Variants in C3 observed in about 807,000 individuals in gnomAD.
C3 encodes the protein C3 and PZP-like alpha-2-macroglobulin domain-containing protein 1.
C3 carries 97 observed loss-of-function variants against 207.9 expected under a neutral mutation model. That is an observed-to-expected ratio of 0.47 (90% CI 0.40 to 0.55). The LOEUF is 0.55. C3 is among the 20% of genes least tolerant of loss of function. The probability of loss-of-function intolerance (pLI) is 0.00; values close to 1 mark genes in which losing one functional copy is unlikely to be tolerated. For synonymous variants in C3, 848 were observed against 857.6 expected, an observed-to-expected ratio of 0.99 and a Z score of 0.20; for missense variants, 1,684 against 2,171.7, an observed-to-expected ratio of 0.78 and a Z score of 4.46.
chr19:6,699,565 C>T (rs1199114412), intron 19 of C3, among the ~76,000 whole-genome samples: 1 of 151,972 alleles, frequency 6.6e-6, no homozygotes, highest in Non-Finnish European at 1.5e-5. Context: ...TGGTGACACC[C>T]TGTCTCTACT....
Position 6,702,574 on chromosome 19 carries a change from G to A in C3, c.2251C>T (p.Leu751=). 1 of 1,609,858 alleles carries A rather than the reference G, an allele frequency of 6.2e-7. No individual in the cohort carries two copies. The highest frequency in any genetic ancestry group is 8.5e-7 in the Non-Finnish European group (1 of 1,176,040). Residue 751 remains leucine, a synonymous_variant, in exon 18 of 41, where the codon CTG becomes TTG. Transcript: ENST00000245907. ...TCTTCTGCAATGATGTCCTCATCCAGGTTACCTGCAGGGGGTTTAGATCTG... is the reference window on the plus strand; with the variant it reads ...TCTTCTGCAATGATGTCCTCATCCAAGTTACCTGCAGGGGGTTTAGATCTG... ...ASHLGLARSN[L]DEDIIAEENI...
chr19:6,684,907 C>T, intron 30 of C3, 73 bp from the exon 31 acceptor site: 1 of 1,605,910 alleles, frequency 6.2e-7, no homozygotes, highest in Non-Finnish European at 8.5e-7. Context: ...TCACCTGGCC[C>T]TCCCTCTTGC....
Position 6,697,672 on chromosome 19 carries a change from G to T in C3, c.2563C>A (p.Arg855=), listed in dbSNP as rs765999872. The T allele has an allele frequency of 6.2e-7, 1 of 1,614,110 alleles. No homozygotes were observed. The highest frequency in any genetic ancestry group is 8.5e-7 in the Non-Finnish European group (1 of 1,180,030). ...VEIRAVLYNY[R]QNQELKVRVE... ...CCCACCTTGAGCTCTTGGTTCTGCC[G>T]GTAATTGTAGAGAACGGCTCGGATT... Residue 855 remains arginine (R), a synonymous_variant, in exon 20 of 41, where the codon CGG becomes AGG. Transcript: ENST00000245907.
At position 6,712,244 on chromosome 19, in the gene C3, G is replaced by A. The variant is rs202004330; in HGVS notation, c.1269+13C>T. The stretch of plus-strand genomic sequence containing the variant: ...TCCCAGTGATGGGGTTCCGAGGCTG[G>A]GCCCAGACGCACCGTGATGCTCAAG... On this transcript the variant is annotated intron_variant, in intron 11 of 40. Coordinates refer to ENST00000245907, the MANE Select transcript of C3 (RefSeq NM_000064.4). 60 of 1,613,232 alleles carry A rather than the reference G, an allele frequency of 3.7e-5. No homozygotes were observed. The African/African-American group carries it at 7.6e-4, about 20-fold the overall frequency.
chr19:6,703,637 A>G (rs1051329951), intron 17 of C3, among the ~76,000 whole-genome samples: 2 of 152,078 alleles, frequency 1.3e-5, no homozygotes, highest in Non-Finnish European at 2.9e-5. Context: ...GAAAGCAAGC[A>G]TGTGCATGTG....
intron 27 of C3, 32 bp downstream of exon 27, chr19:6,690,597 T>C: frequency 6.4e-7 from 1 of 1,561,510 alleles, no homozygotes; most frequent in Non-Finnish European, 8.8e-7. Context: ...TCGGGTAAGG[T>C]AGGGTAGGGT....
rs1452918178 is a variant in C3 at position 6,712,400 on chromosome 19, C to T, written c.1126G>A (p.Val376Met). Residue 376 changes from valine (V) to methionine (M), a missense_variant, in exon 11 of 41, where the codon GTG becomes ATG. Val to Met is a conservative substitution (Grantham distance 21). Coordinates refer to ENST00000245907, the MANE Select transcript of C3 (RefSeq NM_000064.4). ...GCTGGAGAGCCATCAGGGTTCGTCA[C>T]GAACACCTGTGATGTGGGGTGCAGG... is the stretch of plus-strand genomic sequence containing the variant. ...PGMPFDLMVFVTNPDGSPAYR... is the reference protein window; with the variant it reads ...PGMPFDLMVFMTNPDGSPAYR... 5.6e-6 allele frequency: 9 copies of T among 1,614,130 alleles called. No homozygotes were observed. Among genetic ancestry groups the T allele is most frequent in the Non-Finnish European group, 7.6e-6 (9 of 1,179,988 alleles).
At chr19:6,710,439 TGTAGAGAGAGGG>T (rs1967891565) in intron 13 of C3, among the ~76,000 whole-genome samples, 188 bp downstream of exon 13, 1 of 82,904 alleles carries the variant, frequency 1.2e-5, no homozygotes, top group Admixed American at 1.2e-4. Context: ...GAAAGAGAGA[TGTAGAGAGAGGG>T]AAAGAGAGAT....
chr19:6,696,590 C>T lies in C3; in HGVS notation c.2863+3G>A, dbSNP rs764426277. 6.2e-7 allele frequency: 1 copy of T among 1,613,960 alleles called. No individual in the cohort carries two copies. The highest frequency in any genetic ancestry group is 8.5e-7 in the Non-Finnish European group (1 of 1,179,884). Reference sequence around the variant, plus strand: ...TCAGCCCCTCCCCCTGCAGCCGACTCACCACGGCCCAGGCGTTCTGGATCC... The same window carrying T: ...TCAGCCCCTCCCCCTGCAGCCGACTTACCACGGCCCAGGCGTTCTGGATCC... On this transcript the variant is annotated splice_donor_region_variant and intron_variant, in intron 22 of 40. Coordinates refer to ENST00000245907, the MANE Select transcript of C3 (RefSeq NM_000064.4).
At position 6,685,017 on chromosome 19, in the gene C3, C is replaced by T; in HGVS notation, c.3940G>A (p.Glu1314Lys). 1.2e-6 allele frequency: 2 copies of T among 1,613,842 alleles called. No homozygotes were observed. Among genetic ancestry groups the T allele is most frequent in the Non-Finnish European group, 1.7e-6 (2 of 1,179,998 alleles). The change falls in exon 30 of 41, where the codon GAA (glutamate) becomes AAA (lysine). Residue 1314 changes from glutamate to lysine, a missense_variant. Physicochemically the swap from Glu to Lys is moderately conservative, Grantham distance 56. Coordinates refer to ENST00000245907, the MANE Select transcript of C3 (RefSeq NM_000064.4). Reference protein sequence around the residue: ...SSKITHRIHWESASLLRSEET... With the variant: ...SSKITHRIHWKSASLLRSEET... ...TCTGATCGCAGGAGGCTGGCAGATT[C>T]CCAGTGGATACGGTGGGTGATCTTG...
rs760004433 is a variant in C3 at position 6,702,596 on chromosome 19, T to A, written c.2246-17A>T. 3.2e-6 allele frequency: 5 copies of A among 1,548,418 alleles called. No homozygotes were observed. The African/African-American group carries it at 4.1e-5, about 13-fold the overall frequency. On this transcript the variant is annotated splice_polypyrimidine_tract_variant and intron_variant, in intron 17 of 40. Transcript: ENST00000245907. ...CCAGGTTACCTGCAGGGGGTTTAGA[T>A]CTGCATTTAGAACAGAGCAGGCCAG...
intron 19 of C3, among the ~76,000 whole-genome samples, chr19:6,698,818 G>A (rs1205132006): frequency 6.6e-6 from 1 of 151,856 alleles, no homozygotes; most frequent in Non-Finnish European, 1.5e-5. Flanking sequence ...TTTTTGAGAT[G>A]GGGTCTCGCT....
rs985371314 is a variant in C3 at position 6,693,277 on chromosome 19, G to C, written c.3230+135C>G. The stretch of plus-strand genomic sequence containing the variant: ...AATGACCGCCGGCCACTCAGCCAGC[G>C]CTTGCCTGGACTCTGCAGGTCCAGG... On this transcript the variant is annotated intron_variant, in intron 25 of 40. Transcript: ENST00000245907. 94 of 1,086,372 alleles carry C rather than the reference G, an allele frequency of 8.7e-5. 1 individual carries two copies. The highest frequency in any genetic ancestry group is 2.8e-4 in the Middle Eastern group (1 of 3,582). 67.3% of individuals were successfully genotyped at this position (1,086,372 alleles called of 1,614,324 possible). A position where few individuals can be genotyped will look rare whatever the true frequency, so the allele number is the denominator to read the frequency against.
chr19:6,691,055 CTTTTTT>C (rs112828808), intron 26 of C3, among the ~76,000 whole-genome samples: 2 of 131,770 alleles, frequency 1.5e-5, no homozygotes, highest in Non-Finnish European at 3.2e-5. Flanking sequence ...GAGATATACA[CTTTTTT>C]TTTTTTTTTT....
chr19:6,713,704 A>C (rs1599525129), intron 7 of C3, 195 bp from the exon 8 acceptor site: 1 of 255,260 alleles, frequency 3.9e-6, no homozygotes, highest in Admixed American at 5.4e-5. Flanking sequence ...ACATGGTCCC[A>C]CCTCCAGCCC....
chr19:6,712,281 G>A lies in C3; in HGVS notation c.1245C>T (p.Pro415=). The change falls in exon 11 of 41, where the codon CCC becomes CCT. Residue 415 remains proline (P), a synonymous_variant. Coordinates refer to ENST00000245907, the MANE Select transcript of C3 (RefSeq NM_000064.4). ...GVAKLSINTH[P]SQKPLSITVR... ...CCGTGATGCTCAAGGGCTTCTGGCT[G>A]GGGTGTGTGTTGATGCTGAGTTTGG... 2 of 1,614,042 alleles carry A rather than the reference G, an allele frequency of 1.2e-6. No homozygotes were observed. The highest frequency in any genetic ancestry group is 1.7e-6 in the Non-Finnish European group (2 of 1,180,016).
rs534897180 is a variant in C3, at chr19:6,710,798, C to T, written c.1527G>A (p.Glu509=). ...GCAGCACCACCAGGTCCTGGCCGGG[C>T]TCTCGCACCTGGCGTCCCGCCTTCA... ...RLLKAGRQVR[E]PGQDLVVLPL... Residue 509 remains glutamate, a synonymous_variant, in exon 13 of 41, where the codon GAG becomes GAA. Coordinates refer to ENST00000245907, the MANE Select transcript of C3 (RefSeq NM_000064.4). The T allele has an allele frequency of 3.7e-6, 6 of 1,613,982 alleles. No individual in the cohort carries two copies. In the South Asian group the frequency reaches 4.4e-5, roughly 12 times the overall value.
chr19:6,696,006 G>A (rs1270646648), intron 23 of C3, among the ~76,000 whole-genome samples: 5 of 151,496 alleles, frequency 3.3e-5, no homozygotes, highest in Admixed American at 1.3e-4. Context: ...TCAGGAGATC[G>A]AGACCATCCT....
At chr19:6,707,366 C>T (rs1312458063) in intron 16 of C3, 93 bp from the exon 17 acceptor site, 3 of 1,596,524 alleles carry the variant, frequency 1.9e-6, no homozygotes, top group African/African-American at 2.7e-5. Context: ...ACTTCCCCGC[C>T]GCCAGGGCCT....
Sources: gnomAD v4.1 joint callset for allele counts (sites outside exome capture counted in the v4.1 genomes callset) on GRCh38, gnomAD v4.1.1 for gene constraint, MANE v1.5 for transcripts, NCBI Gene and HGNC (gene_info 2026-07-23, HGNC 2026-07-21) for gene names.